TNNI3K: variants seen among roughly 807,000 people sequenced by gnomAD.
The protein encoded by TNNI3K is TNNI3 interacting kinase, also known as serine/threonine-protein kinase TNNI3K.
TNNI3K carries 140 observed loss-of-function variants against 114.5 expected under a neutral mutation model. That is an observed-to-expected ratio of 1.22 (90% confidence interval 1.07 to 1.41). The LOEUF (loss-of-function observed/expected upper bound fraction) is 1.41, where lower values mean the gene tolerates loss of function less well. Ranked by LOEUF, TNNI3K falls within the 40% of genes most tolerant of loss-of-function variation. The pLI, the probability that TNNI3K is intolerant of heterozygous loss-of-function variation, is 0.00. For missense variants in TNNI3K, 1,125 were observed against 1,007.6 expected, an observed-to-expected ratio of 1.12 and a Z score of -1.58; for synonymous variants, 347 against 347.5, an observed-to-expected ratio of 1.00 and a Z score of 0.02.
chr1:74,240,200 T>C (rs1348597419), intron 2 of TNNI3K: 1 of 209,580 alleles, frequency 4.8e-6, no homozygotes, highest in Admixed American at 5.2e-5. Context: ...TTTATATTTG[T>C]ACTTATTTGT....
rs753781217 is a variant in TNNI3K at position 74,331,527 on chromosome 1, A to G, written c.522A>G (p.Ala174=). ...TTTTTTTCACTCCATTGCATATTGC[A>G]GCGTACTATGGACATGAACAGGTAA... ...DAVFFTPLHI[A]AYYGHEQVTR... Residue 174 remains alanine (A), a synonymous_variant, in exon 6 of 25, where the codon GCA becomes GCG. Transcript: ENST00000326637. The G allele has an allele frequency of 6.2e-7, 1 of 1,613,454 alleles. No homozygotes were observed. Among genetic ancestry groups the G allele is most frequent in the South Asian group, 1.1e-5 (1 of 90,928 alleles).
chr1:74,299,013 A>G (rs1182197549), intron 5 of TNNI3K, among the ~76,000 whole-genome samples: 1 of 152,086 alleles, frequency 6.6e-6, no homozygotes, highest in Non-Finnish European at 1.5e-5. Flanking sequence ...ATCATCTGAA[A>G]CTCTATACTA....
intron 17 of TNNI3K, among the ~76,000 whole-genome samples, chr1:74,433,137 C>T (rs941323318): frequency 7.2e-5 from 11 of 152,042 alleles, no homozygotes; most frequent in South Asian, 2.1e-4. Context: ...TTGTAGTTCA[C>T]GACATCTCTC....
At chr1:74,314,060 T>C (rs1251859764) in intron 5 of TNNI3K, among the ~76,000 whole-genome samples, 6 of 7,150 alleles carry the variant, frequency 8.4e-4, no homozygotes, top group Non-Finnish European at 1.8e-3. Context: ...TATATATATA[T>C]ATATATATAT....
At chr1:74,387,052 A>G (rs1184273078) in intron 17 of TNNI3K, among the ~76,000 whole-genome samples, 4 of 152,220 alleles carry the variant, frequency 2.6e-5, no homozygotes, top group Admixed American at 2.6e-4. Context: ...ATCTATATTC[A>G]TTCTTATTAT....
chr1:74,492,410 C>A (rs9729226), intron 23 of TNNI3K, 144 bp downstream of exon 23: 1 of 1,129,936 alleles, frequency 8.9e-7, no homozygotes, highest in Admixed American at 3.6e-5. Flanking sequence ...ATTTTTCTTA[C>A]GTTATGACTA....
intron 17 of TNNI3K, among the ~76,000 whole-genome samples, chr1:74,415,122 C>G (rs1485985209): frequency 1.3e-5 from 2 of 152,144 alleles, no homozygotes; most frequent in African/African-American, 2.4e-5. Context: ...ACACTCTAAG[C>G]ATGCCCAATT....
At chr1:74,393,610 C>T (rs1174711044) in intron 17 of TNNI3K, among the ~76,000 whole-genome samples, 2 of 152,162 alleles carry the variant, frequency 1.3e-5, no homozygotes, top group Admixed American at 6.5e-5. Flanking sequence ...CAAATATTTA[C>T]AAAATTGCTA....
intron 20 of TNNI3K, among the ~76,000 whole-genome samples, chr1:74,451,685 T>TTCTA (rs1557575023): frequency 2.7e-4 from 19 of 69,180 alleles, no homozygotes; most frequent in African/African-American, 8.9e-4. Flanking sequence ...TTCTTTTCTT[T>TTCTA]TCTTTCTTTC....
At chr1:74,476,507 T>G in intron 21 of TNNI3K, among the ~76,000 whole-genome samples, 1 of 152,170 alleles carries the variant, frequency 6.6e-6, no homozygotes, top group East Asian at 1.9e-4. Flanking sequence ...CACATCCTTT[T>G]AGTCCTGTTC....
chr1:74,440,858 T>C (rs1666348424), intron 20 of TNNI3K, among the ~76,000 whole-genome samples: 2 of 152,128 alleles, frequency 1.3e-5, no homozygotes, highest in Admixed American at 1.3e-4. Context: ...ATAAGATTGA[T>C]GGATATACAG....
intron 21 of TNNI3K, among the ~76,000 whole-genome samples, chr1:74,486,725 T>G (rs1008934726): frequency 3.9e-5 from 6 of 151,972 alleles, no homozygotes; most frequent in Admixed American, 2.0e-4. Context: ...AGACTGAGTC[T>G]TGGGGCAATA....
intron 23 of TNNI3K, among the ~76,000 whole-genome samples, chr1:74,517,955 G>A (rs1404923259): frequency 5.9e-5 from 9 of 152,160 alleles, no homozygotes; most frequent in Non-Finnish European, 1.0e-4. Context: ...CACTGCTCTA[G>A]CTAGTACTTA....
chr1:74,443,664 C>A (rs1557569126), intron 20 of TNNI3K, among the ~76,000 whole-genome samples: 1 of 152,142 alleles, frequency 6.6e-6, no homozygotes, highest in South Asian at 2.1e-4. Flanking sequence ...TATTATGAGA[C>A]CAGCATCATC....
intron 5 of TNNI3K, among the ~76,000 whole-genome samples, chr1:74,294,664 A>G (rs1204602422): frequency 6.6e-6 from 1 of 152,036 alleles, no homozygotes; most frequent in Non-Finnish European, 1.5e-5. Flanking sequence ...ATTTCACCCA[A>G]ATCTCCAAAT....
chr1:74,511,786 A>C (rs1308533379), intron 23 of TNNI3K, among the ~76,000 whole-genome samples: 3 of 151,926 alleles, frequency 2.0e-5, no homozygotes, highest in Non-Finnish European at 4.4e-5. Flanking sequence ...GTTTCACTTG[A>C]GTTTGGCAGA....
chr1:74,469,850 G>A (rs1488940666), intron 21 of TNNI3K: 1 of 400,348 alleles, frequency 2.5e-6, no homozygotes, highest in Non-Finnish European at 4.4e-6. Flanking sequence ...AGTAGAAAAG[G>A]ATTATTATTT....
chr1:74,443,902 C>A (rs1351405486), intron 20 of TNNI3K, among the ~76,000 whole-genome samples: 2 of 152,164 alleles, frequency 1.3e-5, no homozygotes, highest in Non-Finnish European at 2.9e-5. Flanking sequence ...GAACTAAAGA[C>A]AGAAACCTCA....
At chr1:74,305,270 G>A (rs947670280) in intron 5 of TNNI3K, among the ~76,000 whole-genome samples, 2 of 152,230 alleles carry the variant, frequency 1.3e-5, no homozygotes, top group African/African-American at 4.8e-5. Context: ...TGAAGTGACC[G>A]CACTGTAGAA....
Sources: allele counts gnomAD v4.1 joint callset (sites outside exome capture counted in the v4.1 genomes callset), GRCh38; gene constraint gnomAD v4.1.1; transcripts MANE v1.5; gene names NCBI Gene and HGNC (gene_info 2026-07-23, HGNC 2026-07-21).